Variants in TWIST2 observed in about 807,000 individuals in gnomAD.
TWIST2 encodes the protein twist-related protein 2.
In TWIST2, 1 loss-of-function variant was observed where a neutral mutation model predicts 11.6. The ratio of observed to expected loss-of-function variants is 0.09; its 90% CI spans 0.03 to 0.41. The LOEUF is 0.41. TWIST2 is among the 10% of genes least tolerant of loss of function. The pLI, the probability that TWIST2 is intolerant of heterozygous loss-of-function variation, is 0.98. For missense variants in TWIST2, 168 were observed against 226.4 expected (o/e 0.74, Z 1.66); for synonymous variants, 87 against 96.6 (o/e 0.90, Z 0.58).
At position 238,898,794 on chromosome 2, in the gene TWIST2, C is replaced by T. The variant is rs1035500609; in HGVS notation, c.*36-11048C>T. Among the ~76,000 whole-genome samples, 31 of 152,332 alleles carry T rather than the reference C, an allele frequency of 2.0e-4. 1 individual carries two copies. The South Asian group carries it at 6.0e-3, about 30-fold the overall frequency. On this transcript the variant is annotated intron_variant, in intron 1 of 1. Transcript: ENST00000612363. ...GATGGGCAAAGTCCTGGAGGGGAGG[C>T]CCCGGGAGAAGTTGGCAGAGGGTCC...
intron 1 of TWIST2, among the ~76,000 whole-genome samples, chr2:238,884,477 C>T (rs574633885): frequency 1.8e-4 from 28 of 152,304 alleles, no homozygotes; most frequent in Non-Finnish European, 3.4e-4. Flanking sequence ...CCTGCCTGGC[C>T]ATGCCATAGA....
At chr2:238,868,057 G>A (rs1461970472) in intron 1 of TWIST2, among the ~76,000 whole-genome samples, 1 of 152,214 alleles carries the variant, frequency 6.6e-6, no homozygotes, top group African/African-American at 2.4e-5. Flanking sequence ...GAACACTGCA[G>A]TTAGGAAGGT....
chr2:238,849,440 G>T (rs1056428461), intron 1 of TWIST2, among the ~76,000 whole-genome samples: 1 of 152,224 alleles, frequency 6.6e-6, no homozygotes, highest in African/African-American at 2.4e-5. Context: ...AGAGCCTGGA[G>T]CGCTGAGGCA....
rs751874652 is a variant in TWIST2, at chr2:238,867,411, A to ACACACACT, written c.*35+18679_*35+18680insACACACTC. ...CACACACACACACACACACACACAC[A>ACACACACT]CTCCTCAGTAAAATACCCAGTTCTC... On this transcript the variant is annotated intron_variant, in intron 1 of 1. Transcript: ENST00000612363. The surrounding 1 kb of genome is among the most constrained non-coding windows in gnomAD (Gnocchi z 4.8). 4.1e-4 allele frequency among the ~76,000 whole-genome samples: 59 copies of ACACACACT among 144,998 alleles called. No individual in the cohort carries two copies. Among genetic ancestry groups the ACACACACT allele is most frequent in the South Asian group, 1.3e-3 (6 of 4,516 alleles).
rs1165074128 is a variant in TWIST2 at position 238,848,629 on chromosome 2, C to T, written c.414C>T (p.His138=). Residue 138 remains histidine (H), a synonymous_variant, in exon 1 of 2, where the codon CAC becomes CAT. Coordinates refer to ENST00000612363, the MANE Select transcript of TWIST2 (RefSeq NM_001271893.4). ...TGACCAGCTGCAGCTACGTGGCCCA[C>T]GAGCGCCTCAGCTACGCCTTCTCCG... ...NKMTSCSYVA[H]ERLSYAFSVW... is the part of the protein sequence containing the mutation. 3.9e-6 allele frequency: 6 copies of T among 1,542,842 alleles called. No homozygotes were observed. Among genetic ancestry groups the T allele is most frequent in the Non-Finnish European group, 5.2e-6 (6 of 1,150,202 alleles).
intron 1 of TWIST2, among the ~76,000 whole-genome samples, chr2:238,876,638 T>C (rs1026354563): frequency 2.6e-5 from 4 of 152,134 alleles, no homozygotes; most frequent in Non-Finnish European, 5.9e-5. Context: ...CTAGATAAAA[T>C]ATAAGAAACG....
intron 1 of TWIST2, among the ~76,000 whole-genome samples, chr2:238,860,229 C>A (rs1242996528): frequency 2.0e-5 from 3 of 152,342 alleles, no homozygotes; most frequent in Non-Finnish European, 4.4e-5. Flanking sequence ...GTGCTGCTCC[C>A]AGAAGACAGG....
At chr2:238,869,178 T>C (rs1019668078) in intron 1 of TWIST2, among the ~76,000 whole-genome samples, 1 of 152,080 alleles carries the variant, frequency 6.6e-6, no homozygotes, top group African/African-American at 2.4e-5. Flanking sequence ...GAATGGGAAA[T>C]AGGTCCAAGT....
chr2:238,864,444 T>C lies in TWIST2; in HGVS notation c.*35+15711T>C, dbSNP rs1054129615. 6.6e-6 allele frequency among the ~76,000 whole-genome samples: 1 copy of C among 152,024 alleles called. No homozygotes were observed. The highest frequency in any genetic ancestry group is 1.5e-5 in the Non-Finnish European group (1 of 68,036). Reference sequence around the variant, plus strand: ...GAGCCGTGGCTTTTTGTCCTCTGGCTGTGCAAATAAACAGAGCAGGAAGGT... The same window carrying C: ...GAGCCGTGGCTTTTTGTCCTCTGGCCGTGCAAATAAACAGAGCAGGAAGGT... On this transcript the variant is annotated intron_variant, in intron 1 of 1. Coordinates refer to ENST00000612363, the MANE Select transcript of TWIST2 (RefSeq NM_001271893.4). The surrounding 1 kb of genome is among the most constrained non-coding windows in gnomAD (Gnocchi z 4.7).
chr2:238,860,980 T>C (rs1692424282), intron 1 of TWIST2, among the ~76,000 whole-genome samples: 1 of 152,178 alleles, frequency 6.6e-6, no homozygotes, highest in Non-Finnish European at 1.5e-5. Context: ...GTGATGCTGC[T>C]GTTCCCCCAT....
At position 238,848,479 on chromosome 2, in the gene TWIST2, G is replaced by A; in HGVS notation, c.264G>A (p.Ala88=). 6.3e-7 allele frequency: 1 copy of A among 1,575,536 alleles called. No individual in the cohort carries two copies. The highest frequency in any genetic ancestry group is 8.6e-7 in the Non-Finnish European group (1 of 1,163,014). ...AGTCGCTCAACGAGGCCTTCGCGGC[G>A]CTGCGCAAGATCATCCCCACGCTGC... ...RTQSLNEAFA[A]LRKIIPTLPS... is the part of the protein sequence containing the mutation. The change falls in exon 1 of 2, where the codon GCG becomes GCA. Residue 88 remains alanine, a synonymous_variant. Coordinates refer to ENST00000612363, the MANE Select transcript of TWIST2 (RefSeq NM_001271893.4).
At chr2:238,871,153 ACCACACACC>A (rs1692686198) in intron 1 of TWIST2, among the ~76,000 whole-genome samples, 1 of 15,178 alleles carries the variant, frequency 6.6e-5, no homozygotes. Flanking sequence ...CCCCACACAC[ACCACACACC>A]CCACACACAC....
At chr2:238,890,050 C>T (rs1477140274) in intron 1 of TWIST2, among the ~76,000 whole-genome samples, 1 of 152,182 alleles carries the variant, frequency 6.6e-6, no homozygotes, top group Non-Finnish European at 1.5e-5. Flanking sequence ...GCTCCCAGGG[C>T]TTAGTTTTCG....
At chr2:238,898,275 G>A (rs1693228571) in intron 1 of TWIST2, among the ~76,000 whole-genome samples, 2 of 152,250 alleles carry the variant, frequency 1.3e-5, no homozygotes, top group Admixed American at 1.3e-4. Context: ...GAACAGGGCT[G>A]AGTTGTCACA....
chr2:238,887,828 G>A (rs1196309394), intron 1 of TWIST2, among the ~76,000 whole-genome samples: 3 of 152,214 alleles, frequency 2.0e-5, no homozygotes, highest in Non-Finnish European at 2.9e-5. Flanking sequence ...CAACCTGAAT[G>A]AGCAAGAAGC....
At chr2:238,883,161 G>A (rs1005637026) in intron 1 of TWIST2, among the ~76,000 whole-genome samples, 2 of 152,254 alleles carry the variant, frequency 1.3e-5, no homozygotes, top group African/African-American at 2.4e-5. Flanking sequence ...GGTAGTGCTC[G>A]AAGTTCCTTG....
intron 1 of TWIST2, among the ~76,000 whole-genome samples, chr2:238,868,167 C>G (rs377577242): frequency 3.3e-5 from 5 of 152,150 alleles, no homozygotes; most frequent in Admixed American, 2.0e-4. Context: ...TCTGGGTGCA[C>G]CTGCCCAGGA....
At position 238,848,246 on chromosome 2, in the gene TWIST2, C is replaced by T; in HGVS notation, c.31C>T (p.Pro11Ser). 2.0e-6 allele frequency: 3 copies of T among 1,512,118 alleles called. No individual in the cohort carries two copies. Among genetic ancestry groups the T allele is most frequent in the Non-Finnish European group, 2.7e-6 (3 of 1,130,990 alleles). 93.7% of individuals were successfully genotyped at this position (1,512,118 alleles called of 1,614,324 possible). Residue 11 changes from proline (P) to serine (S), a missense_variant, in exon 1 of 2, where the codon CCC (proline) becomes TCC (serine). Physicochemically the swap from Pro to Ser is moderately conservative, Grantham distance 74. This residue lies in a region of TWIST2 where 83 missense variants were observed against 92.7 expected (regional missense o/e 0.90). Transcript: ENST00000612363. The stretch of plus-strand genomic sequence containing the variant: ...GGAGGGCTCCAGCTCGCCCGTGTCC[C>T]CCGTGGACAGCCTGGGCACCAGCGA... MEEGSSSPVSPVDSLGTSEEE... is the reference protein window; with the variant it reads MEEGSSSPVSSVDSLGTSEEE...
In TWIST2 at chr2:238,880,140, AGTGTTAGTGTTAGTATTTATTGGTATTG is replaced by A. The variant is rs1447962241; in HGVS notation, c.*36-29667_*36-29640del. Among the ~76,000 whole-genome samples the A allele has an allele frequency of 8.6e-5, 13 of 151,764 alleles. No homozygotes were observed. In the Middle Eastern group the frequency reaches 0.014, roughly 160 times the overall value. On this transcript the variant is annotated intron_variant, in intron 1 of 1. Transcript: ENST00000612363. ...GTGCTAGCGTTAGTATTAGTGTGTT[AGTGTTAGTGTTAGTATTTATTGGTATTG>A]GTGTTAGTGTTAGTATTTATTGGTA... is the stretch of plus-strand genomic sequence containing the variant.
Sources: gnomAD v4.1 joint callset for allele counts (sites outside exome capture counted in the v4.1 genomes callset) on GRCh38, gnomAD v4.1.1 for gene constraint, gnomAD v4.1.1 regional missense constraint, Gnocchi (gnomAD v3.1) non-coding constraint, MANE v1.5 for transcripts, NCBI Gene and HGNC (gene_info 2026-07-23, HGNC 2026-07-21) for gene names.